Variants in SYNE2 observed in about 807,000 individuals in gnomAD.
SYNE2 encodes the protein nesprin-2.
A neutral mutation model predicts 856.3 loss-of-function variants in SYNE2; 431 were observed. That is an observed-to-expected ratio of 0.50 (90% CI 0.47 to 0.55). The LOEUF is 0.55. SYNE2 is among the 20% of genes least tolerant of loss of function. The pLI, the probability that SYNE2 is intolerant of heterozygous loss-of-function variation, is 0.00. For synonymous variants in SYNE2, 2,923 were observed against 2,872.3 expected (o/e 1.02, Z -0.56); for missense variants, 8,129 against 8,023.2 (o/e 1.01, Z -0.50).
intron 67 of SYNE2, among the ~76,000 whole-genome samples, chr14:64,120,405 G>C (rs1430380356): frequency 6.6e-6 from 1 of 152,220 alleles, no homozygotes; most frequent in African/African-American, 2.4e-5. Flanking sequence ...GAATTAGCTT[G>C]AAGAAGTAAG....
chr14:64,141,283 C>G (rs1322816186), intron 80 of SYNE2, 58 bp from the exon 81 acceptor site: 2 of 1,423,506 alleles, frequency 1.4e-6, no homozygotes, highest in Non-Finnish European at 2.0e-6. Context: ...GTTATTCCGA[C>G]TCTTACTTTC....
At chr14:63,825,816 G>C (rs1482384662) in intron 1 of SYNE2, among the ~76,000 whole-genome samples, 1 of 151,888 alleles carries the variant, frequency 6.6e-6, no homozygotes, top group East Asian at 1.9e-4. Flanking sequence ...GCAAAGGCAG[G>C]GAGCCAAGAT....
At position 64,003,275 on chromosome 14, in the gene SYNE2, A is replaced by G; in HGVS notation, c.4342A>G (p.Ser1448Gly). 6.2e-7 allele frequency: 1 copy of G among 1,614,122 alleles called. No homozygotes were observed. The change falls in exon 30 of 116, where the codon AGT (serine) becomes GGT (glycine). Residue 1448 changes from serine (S) to glycine (G), a missense_variant. Physicochemically the swap from Ser to Gly is moderately conservative, Grantham distance 56. Transcript: ENST00000555002. ...CCTTAAAAATATTCAAGATGTGCAG[A>G]GTCAAATCAGTAAAATTGGTCTTAA... ...ELLKNIQDVQ[S>G]QISKIGLKDP...
At position 64,189,953 on chromosome 14, in the gene SYNE2, A is replaced by G. The variant is rs557314191; in HGVS notation, c.17872-118A>G. On this transcript the variant is annotated intron_variant, in intron 98 of 115. Coordinates refer to ENST00000555002, the MANE Select transcript of SYNE2 (RefSeq NM_182914.3). ...GCTGGGATTATTGGTATGAGCCACT[A>G]TGCCTGGCCAATTTTTTTTTTTTTT... 3.6e-5 allele frequency: 43 copies of G among 1,209,766 alleles called. No individual in the cohort carries two copies. The African/African-American group carries it at 5.3e-4, about 15-fold the overall frequency. The allele number at this position is 1,209,766 out of a possible 1,614,324, so 74.9% of individuals were successfully genotyped here.
intron 85 of SYNE2, among the ~76,000 whole-genome samples, chr14:64,157,674 CTG>C (rs1247370920): frequency 6.6e-6 from 1 of 152,190 alleles, no homozygotes; most frequent in Admixed American, 6.5e-5. Flanking sequence ...TCCACAGTGA[CTG>C]TACCATTTTA....
chr14:63,827,291 A>AC (rs1566592642), intron 1 of SYNE2, among the ~76,000 whole-genome samples: 1 of 150,028 alleles, frequency 6.7e-6, no homozygotes, highest in East Asian at 2.0e-4. Context: ...AAAAAAAAAA[A>AC]ATTATTGCAA....
At chr14:63,987,436 A>C (rs17824172) in intron 19 of SYNE2, among the ~76,000 whole-genome samples, 1 of 152,138 alleles carries the variant, frequency 6.6e-6, no homozygotes, top group South Asian at 2.1e-4. Flanking sequence ...TCTTAATATC[A>C]CTTAGTTCTC....
intron 37 of SYNE2, 42 bp downstream of exon 37, chr14:64,022,070 A>G: frequency 6.3e-7 from 1 of 1,585,912 alleles, no homozygotes; most frequent in Non-Finnish European, 8.7e-7. Context: ...GGGACTCTTG[A>G]AGTATGAATG....
chr14:63,924,832 G>GT lies in SYNE2; in HGVS notation c.79+15606dup, dbSNP rs1491139905. On this transcript the variant is annotated intron_variant, in intron 2 of 115. Coordinates refer to ENST00000555002, the MANE Select transcript of SYNE2 (RefSeq NM_182914.3). ...TTTAACTTTTTTCCTTCCAGCCTTG[G>GT]TGTTTTTTTTTTTTTTTTTTTTTTT... Among the ~76,000 whole-genome samples, 325 of 92,816 alleles carry GT rather than the reference G, an allele frequency of 3.5e-3. 32 individuals carry two copies. The highest frequency in any genetic ancestry group is 9.2e-3 in the African/African-American group (203 of 22,178). 60.9% of individuals were successfully genotyped at this position (92,816 alleles called of 152,430 possible).
intron 8 of SYNE2, chr14:63,960,868 G>T: frequency 1.6e-6 from 1 of 638,278 alleles, no homozygotes; most frequent in South Asian, 1.8e-5. Context: ...AACATAGAGA[G>T]ACCCTGTCTA....
At chr14:63,907,431 T>C (rs868568478) in intron 1 of SYNE2, among the ~76,000 whole-genome samples, 1 of 152,184 alleles carries the variant, frequency 6.6e-6, no homozygotes. Flanking sequence ...TTGTGAATCA[T>C]ACTGGTGCAT....
chr14:64,221,623 C>G lies in SYNE2; in HGVS notation c.20109C>G (p.Ala6703=), dbSNP rs766317382. 6.2e-7 allele frequency: 1 copy of G among 1,614,132 alleles called. No individual in the cohort carries two copies. The highest frequency in any genetic ancestry group is 1.1e-5 in the South Asian group (1 of 91,078). The change falls in exon 112 of 116, where the codon GCC becomes GCG. Residue 6703 remains alanine (A), a synonymous_variant. Transcript: ENST00000555002. ...ATCTGCTGCTGTGGTTAGCGAGTGCCAAGAACCGGAGGCAGAAGGCTCATG... is the reference window on the plus strand; with the variant it reads ...ATCTGCTGCTGTGGTTAGCGAGTGCGAAGAACCGGAGGCAGAAGGCTCATG... The part of the protein sequence containing the change: ...SQNLLLWLAS[A]KNRRQKAHVT...
intron 26 of SYNE2, 120 bp from the exon 27 acceptor site, chr14:63,998,794 C>T (rs1350954566): frequency 4.6e-6 from 5 of 1,095,986 alleles, no homozygotes; most frequent in Non-Finnish European, 5.5e-6. Context: ...AACTCCTGAC[C>T]TCAGGCAATC....
At position 64,209,535 on chromosome 14, in the gene SYNE2, A is replaced by T; in HGVS notation, c.18497A>T (p.Glu6166Val). The T allele has an allele frequency of 1.9e-6, 3 of 1,614,222 alleles. No individual in the cohort carries two copies. The highest frequency in any genetic ancestry group is 2.5e-6 in the Non-Finnish European group (3 of 1,180,050). ...ACGGCAGCCTGCCCAAATTCCTCAG[A>T]GGTGTTGTACACGAGTGCCAAAGAG... The part of the protein sequence containing the change: ...ERTAACPNSS[E>V]VLYTSAKEEL... Residue 6166 changes from glutamate (E) to valine (V), a missense_variant, in exon 102 of 116, where the codon GAG becomes GTG. Physicochemically the swap from Glu to Val is moderately radical, Grantham distance 121. This residue lies in a region of SYNE2 where 5,410 missense variants were observed against 5,284.8 expected (regional missense o/e 1.02). Transcript: ENST00000555002.
chr14:64,179,396 C>T (rs2098448297), intron 96 of SYNE2, among the ~76,000 whole-genome samples: 1 of 152,220 alleles, frequency 6.6e-6, no homozygotes, highest in Non-Finnish European at 1.5e-5. Context: ...CTGCCTCGGC[C>T]TCCCAAAGTG....
chr14:64,017,394 C>T (rs1057383472), intron 33 of SYNE2, among the ~76,000 whole-genome samples: 1 of 141,286 alleles, frequency 7.1e-6, no homozygotes, highest in African/African-American at 2.6e-5. Context: ...ATATAAGCTA[C>T]AGCAAATCAG....
At chr14:64,209,734 G>T in intron 102 of SYNE2, 156 bp downstream of exon 102, 1 of 1,204,630 alleles carries the variant, frequency 8.3e-7, no homozygotes, top group Non-Finnish European at 1.2e-6. Context: ...AGACAGCTTT[G>T]CAAGACATTG....
At position 64,053,720 on chromosome 14, in the gene SYNE2, A is replaced by G. The variant is rs1380761991; in HGVS notation, c.9744+63A>G. The G allele has an allele frequency of 2.6e-6, 4 of 1,537,768 alleles. No homozygotes were observed. The African/African-American group carries it at 5.5e-5, about 21-fold the overall frequency. ...GGGGGCTCACGCCTGTAATCCCAGC[A>G]TTTTGGGAGGCCAAGGCTGGCGGAT... is the stretch of plus-strand genomic sequence containing the variant. On this transcript the variant is annotated intron_variant, in intron 48 of 115. Coordinates refer to ENST00000555002, the MANE Select transcript of SYNE2 (RefSeq NM_182914.3).
At chr14:63,909,647 G>T (rs1291845967) in intron 2 of SYNE2, among the ~76,000 whole-genome samples, 1 of 152,172 alleles carries the variant, frequency 6.6e-6, no homozygotes, top group African/African-American at 2.4e-5. Context: ...TTCGAGACCA[G>T]CCTGACCAAC....
Sources: allele counts gnomAD v4.1 joint callset (sites outside exome capture counted in the v4.1 genomes callset), GRCh38; gene constraint gnomAD v4.1.1; regional missense constraint gnomAD v4.1.1; transcripts MANE v1.5; gene names NCBI Gene and HGNC (gene_info 2026-07-23, HGNC 2026-07-21).